Variants in MICU3 observed in about 807,000 individuals in gnomAD.
The protein encoded by MICU3 is calcium uptake protein 3, mitochondrial.
Under a neutral mutation model 66.5 loss-of-function variants are expected in MICU3, and 62 were observed. The observed-to-expected ratio is 0.93, with a 90% confidence interval of 0.76 to 1.15. MICU3 has a LOEUF of 1.15. MICU3 is among the 50% of genes most tolerant of loss of function. The pLI, the probability that MICU3 is intolerant of heterozygous loss-of-function variation, is 0.00. For missense variants in MICU3, 779 were observed against 664.4 expected (o/e 1.17, Z -1.90); for synonymous variants, 308 against 240.7 (o/e 1.28, Z -2.59).
intron 1 of MICU3, among the ~76,000 whole-genome samples, chr8:17,044,478 A>T (rs905504710): frequency 2.1e-4 from 32 of 150,790 alleles, no homozygotes; most frequent in Admixed American, 4.6e-4. Flanking sequence ...GGAATTAAAA[A>T]TTTTTTTTTT....
chr8:17,056,818 A>G (rs776420637), intron 1 of MICU3, among the ~76,000 whole-genome samples: 1 of 152,230 alleles, frequency 6.6e-6, no homozygotes, highest in Non-Finnish European at 1.5e-5. Flanking sequence ...TGAGAATCAC[A>G]TATTCCATTT....
chr8:17,027,472 G>T lies in MICU3; in HGVS notation c.193G>T (p.Gly65Trp), dbSNP rs1037229859. ...GGCATGGAGGCGGCGGCGGCGCTGG[G>T]GGGAGCTGAGCGTGGCGGCGGCGGC... is the stretch of plus-strand genomic sequence containing the variant. ...EAAWRRRRRW[G>W]ELSVAAAAGG... is the part of the protein sequence containing the mutation. Residue 65 changes from glycine (G) to tryptophan (W), a missense_variant, in exon 1 of 15, where the codon GGG (glycine) becomes TGG (tryptophan). Coordinates refer to ENST00000318063, the MANE Select transcript of MICU3 (RefSeq NM_181723.3). The T allele has an allele frequency of 3.6e-5, 47 of 1,291,062 alleles. No homozygotes were observed. The highest frequency in any genetic ancestry group is 2.8e-4 in the African/African-American group (18 of 64,718). 80.0% of individuals were successfully genotyped at this position (1,291,062 alleles called of 1,614,324 possible).
intron 3 of MICU3, among the ~76,000 whole-genome samples, chr8:17,074,590 C>CATGTGTGT (rs1359381863): frequency 9.2e-5 from 13 of 141,944 alleles, no homozygotes; most frequent in African/African-American, 2.3e-4. Context: ...GATGTTAAAA[C>CATGTGTGT]GTGTGTGTGT....
intron 1 of MICU3, among the ~76,000 whole-genome samples, chr8:17,036,986 G>C (rs376211997): frequency 1.3e-5 from 2 of 152,360 alleles, no homozygotes; most frequent in South Asian, 4.1e-4. Flanking sequence ...AAGGCTCGGC[G>C]AGAAATCGAG....
chr8:17,037,534 G>C (rs899202683), intron 1 of MICU3, among the ~76,000 whole-genome samples: 4 of 152,188 alleles, frequency 2.6e-5, no homozygotes, highest in Non-Finnish European at 4.4e-5. Flanking sequence ...TGGATGTCCA[G>C]GTAGAAGTCT....
intron 11 of MICU3, among the ~76,000 whole-genome samples, chr8:17,108,093 A>G (rs752167946): frequency 1.3e-5 from 2 of 152,158 alleles, no homozygotes; most frequent in Non-Finnish European, 2.9e-5. Context: ...GAGAAAAAGG[A>G]ATCAGGAACT....
chr8:17,082,760 CT>C (rs1821389200), intron 5 of MICU3, among the ~76,000 whole-genome samples: 2 of 151,994 alleles, frequency 1.3e-5, no homozygotes, highest in African/African-American at 2.4e-5. Context: ...CTAAAAATAC[CT>C]TGTACTTCTT....
rs936825707 is a variant in MICU3 at position 17,120,481 on chromosome 8, A to G, written c.*194A>G. ...AGATAAAATGCATCTTGTTACTACA[A>G]ATGTTATATATATAAAATCAAGTTG... is the stretch of plus-strand genomic sequence containing the variant. On this transcript the variant is annotated 3_prime_UTR_variant, in exon 15 of 15. Coordinates refer to ENST00000318063, the MANE Select transcript of MICU3 (RefSeq NM_181723.3). The G allele has an allele frequency of 3.9e-5, 6 of 152,072 alleles. No homozygotes were observed. The highest frequency in any genetic ancestry group is 7.4e-5 in the Non-Finnish European group (5 of 67,942). 9.4% of individuals were successfully genotyped at this position (152,072 alleles called of 1,614,324 possible). A position where few individuals can be genotyped will look rare whatever the true frequency, so the allele number is the denominator to read the frequency against.
At chr8:17,079,579 G>C (rs1033912863) in intron 4 of MICU3, among the ~76,000 whole-genome samples, 2 of 151,770 alleles carry the variant, frequency 1.3e-5, no homozygotes, top group Non-Finnish European at 2.9e-5. Context: ...GTCTCATTTT[G>C]TCACCCAGGC....
downstream of MICU3, among the ~76,000 whole-genome samples, chr8:17,125,792 G>A (rs1049635400): frequency 2.0e-5 from 3 of 151,940 alleles, no homozygotes; most frequent in Non-Finnish European, 4.4e-5. Context: ...CAGTACTTTG[G>A]GATGCTGAGG....
intron 4 of MICU3, among the ~76,000 whole-genome samples, chr8:17,080,261 C>T (rs1025199173): frequency 1.3e-5 from 2 of 151,948 alleles, no homozygotes; most frequent in Non-Finnish European, 2.9e-5. Flanking sequence ...CTTCATTTTT[C>T]TTCCCTGTGG....
chr8:17,032,825 C>A (rs186112767), intron 1 of MICU3, among the ~76,000 whole-genome samples: 5 of 152,130 alleles, frequency 3.3e-5, no homozygotes, highest in Non-Finnish European at 7.3e-5. Flanking sequence ...ACATTATACG[C>A]GTACTTAATG....
intron 2 of MICU3, among the ~76,000 whole-genome samples, chr8:17,066,210 A>G (rs1045822824): frequency 1.3e-5 from 2 of 152,006 alleles, no homozygotes; most frequent in African/African-American, 2.4e-5. Context: ...TATAGAGACC[A>G]TGTTGTACCA....
chr8:17,089,584 A>G (rs965841181), intron 7 of MICU3, among the ~76,000 whole-genome samples: 2 of 152,034 alleles, frequency 1.3e-5, no homozygotes, highest in Non-Finnish European at 2.9e-5. Flanking sequence ...ATTACATAAG[A>G]GAGAGAGCAT....
chr8:17,053,932 ATCTT>A (rs1816501020), intron 1 of MICU3, among the ~76,000 whole-genome samples: 1 of 152,214 alleles, frequency 6.6e-6, no homozygotes, highest in South Asian at 2.1e-4. Flanking sequence ...AATTTCAGTT[ATCTT>A]TTAGCTCTCG....
At chr8:17,046,507 A>G (rs1815116748) in intron 1 of MICU3, among the ~76,000 whole-genome samples, 1 of 152,188 alleles carries the variant, frequency 6.6e-6, no homozygotes, top group Non-Finnish European at 1.5e-5. Context: ...ATGTAACTAA[A>G]TACCACACTG....
At chr8:17,131,972 C>T in the MICU3 span, 1 of 152,174 alleles carries the variant, frequency 6.6e-6, no homozygotes, top group Admixed American at 6.5e-5. Context: ...CTTCTACGCA[C>T]ACTTGAATGC....
At chr8:17,113,760 A>G (rs1802421464) in intron 11 of MICU3, among the ~76,000 whole-genome samples, 1 of 139,636 alleles carries the variant, frequency 7.2e-6, no homozygotes. Flanking sequence ...TTACAAGGTT[A>G]AAAAAAATCA....
In MICU3 at chr8:17,027,582, G is replaced by C. The variant is rs919535030; in HGVS notation, c.303G>C (p.Lys101Asn). Residue 101 changes from lysine (K) to asparagine (N), a missense_variant, in exon 1 of 15, where the codon AAG becomes AAC. Coordinates refer to ENST00000318063, the MANE Select transcript of MICU3 (RefSeq NM_181723.3). The part of the protein sequence containing the change: ...AGSPATGRPS[K>N]SAATEPEDPP... ...CGCCGGCGACCGGGCGACCCTCAAA[G>C]AGCGCGGCCACGGAGCCCGAGGACC... 1.3e-5 allele frequency: 17 copies of C among 1,292,174 alleles called. No individual in the cohort carries two copies. In the African/African-American group the frequency reaches 1.4e-4, roughly 11 times the overall value. 80.0% of individuals were successfully genotyped at this position (1,292,174 alleles called of 1,614,324 possible).
Sources: gnomAD v4.1 joint callset for allele counts (sites outside exome capture counted in the v4.1 genomes callset) on GRCh38, gnomAD v4.1.1 for gene constraint, MANE v1.5 for transcripts, NCBI Gene and HGNC (gene_info 2026-07-23, HGNC 2026-07-21) for gene names.